The following ASMTL variants were observed in gnomAD, a reference collection of about 807,000 sequenced individuals.
ASMTL encodes acetylserotonin O-methyltransferase like.
In ASMTL, 57 loss-of-function variants were observed where a neutral mutation model predicts 60.3. That is an observed-to-expected ratio of 0.95 (90% CI 0.76 to 1.18). The LOEUF is 1.18. ASMTL is among the 50% of genes most tolerant of loss of function. The pLI, the probability that ASMTL is intolerant of heterozygous loss-of-function variation, is 0.00. For synonymous variants in ASMTL, 419 were observed against 373.0 expected (o/e 1.12, Z -1.42); for missense variants, 981 against 852.6 (o/e 1.15, Z -1.88).
chrX:1,426,001 G>A (rs181116968), intron 7 of ASMTL, among the ~76,000 whole-genome samples: 507 of 152,260 alleles, frequency 3.3e-3, no homozygotes, highest in Non-Finnish European at 5.2e-3. Flanking sequence ...CTCAGGATGT[G>A]ACTGTATTTG....
chrX:1,438,638 G>A (rs1478255842), intron 3 of ASMTL, among the ~76,000 whole-genome samples: 3 of 152,290 alleles, frequency 2.0e-5, no homozygotes, highest in Non-Finnish European at 2.9e-5. Flanking sequence ...TCAGCCTCCC[G>A]AGTAGCTGCG....
intron 11 of ASMTL, among the ~76,000 whole-genome samples, chrX:1,416,415 CAACA>C (rs56651490): frequency 0.16 from 6,629 of 41,236 alleles, 1,750 homozygotes; most frequent in Non-Finnish European, 0.28. Flanking sequence ...ACAGATACAC[CAACA>C]GACAGGCACA....
rs184913206 is a variant in ASMTL, at chrX:1,425,632, G to A, written c.953C>T (p.Pro318Leu). The change falls in exon 8 of 13, where the codon CCC (proline) becomes CTC (leucine). Residue 318 changes from proline to leucine, a missense_variant. By Grantham distance (98) the Pro-to-Leu change is moderately conservative. Transcript: ENST00000381317. ...KVFDLLKDEA[P>L]QKAADIASKV... ...GCTGGCAATATCCGCAGCCTTCTGG[G>A]GTGCTTCATCTTTTAACAAATCGAA... 6.4e-4 allele frequency: 1,038 copies of A among 1,613,774 alleles called. 2 individuals carry two copies. Among genetic ancestry groups the A allele is most frequent in the Middle Eastern group, 3.0e-3 (18 of 6,054 alleles).
chrX:1,404,297 T>C (rs1439335164), intron 12 of ASMTL, among the ~76,000 whole-genome samples: 1 of 150,042 alleles, frequency 6.7e-6, no homozygotes, highest in South Asian at 2.1e-4. Context: ...GATGGGTGAA[T>C]AGATGGTAGA....
At chrX:1,403,758 G>C (rs1417155649) in intron 12 of ASMTL, among the ~76,000 whole-genome samples, 4 of 152,182 alleles carry the variant, frequency 2.6e-5, no homozygotes, top group African/African-American at 9.6e-5. Context: ...TGGATGCATG[G>C]ATGAACAGAT....
rs1603450850 is a variant in ASMTL at position 1,418,781 on chromosome X, C to G, written c.1378+201G>C. ...GCCAAAAGAGAGGGCCCCGGAGTTTCTAGGGGGGCATTTAGGCATCCCCGG... is the reference window on the plus strand; with the variant it reads ...GCCAAAAGAGAGGGCCCCGGAGTTTGTAGGGGGGCATTTAGGCATCCCCGG... On this transcript the variant is annotated intron_variant, in intron 10 of 12. Coordinates refer to ENST00000381317, the MANE Select transcript of ASMTL (RefSeq NM_004192.4). 5 of 208,210 alleles carry G rather than the reference C, an allele frequency of 2.4e-5. No individual in the cohort carries two copies. The Admixed American group carries it at 3.3e-4, about 14-fold the overall frequency. The allele number at this position is 208,210 out of a possible 1,614,324, so 12.9% of individuals were successfully genotyped here.
intron 1 of ASMTL, among the ~76,000 whole-genome samples, chrX:1,447,687 C>T (rs1299060344): frequency 6.6e-6 from 1 of 151,608 alleles, no homozygotes; most frequent in African/African-American, 2.4e-5. Context: ...AGAAGCACCA[C>T]CATCTTGGAC....
intron 9 of ASMTL, 119 bp downstream of exon 9, chrX:1,421,539 G>T: frequency 8.7e-7 from 1 of 1,145,018 alleles, no homozygotes; most frequent in Admixed American, 2.2e-5. Context: ...AACGAGCCAA[G>T]CCTTTGGGAT....
Position 1,412,874 on chromosome X carries a change from A to G in ASMTL, c.1523-20T>C, listed in dbSNP as rs1378638018. ...AGTCACCTGGTTTAAAGACAAAACG[A>G]GATACGTCCGTCAGGTATGGAAGAA... On this transcript the variant is annotated intron_variant, in intron 11 of 12. Transcript: ENST00000381317. 1 of 1,613,610 alleles carries G rather than the reference A, an allele frequency of 6.2e-7. No individual in the cohort carries two copies. The highest frequency in any genetic ancestry group is 8.5e-7 in the Non-Finnish European group (1 of 1,179,742).
At chrX:1,425,763 G>A (rs1172917446) in intron 7 of ASMTL, 76 bp from the exon 8 acceptor site, 17 of 1,487,470 alleles carry the variant, frequency 1.1e-5, no homozygotes, top group Middle Eastern at 4.4e-4. Flanking sequence ...TCAAAAGATG[G>A]AGGCCAACGC....
Position 1,412,846 on chromosome X carries a change from A to G in ASMTL, c.1531T>C (p.Phe511Leu). 1 of 1,613,890 alleles carries G rather than the reference A, an allele frequency of 6.2e-7. No homozygotes were observed. Among genetic ancestry groups the G allele is most frequent in the South Asian group, 1.1e-5 (1 of 91,066 alleles). The change falls in exon 12 of 13, where the codon TTC becomes CTC. Residue 511 changes from phenylalanine (F) to leucine (L), a missense_variant. Transcript: ENST00000381317. ...VQIHFAAGDF[F>L]RDPLPSAELY... is the part of the protein sequence containing the mutation. ...TCAGCGCTGGGGAGGGGGTCCCTGA[A>G]AAAGTCACCTGGTTTAAAGACAAAA...
At position 1,427,778 on chromosome X, in the gene ASMTL, G is replaced by A. The variant is rs1295213303; in HGVS notation, c.853C>T (p.Pro285Ser). Residue 285 changes from proline (P) to serine (S), a missense_variant, in exon 7 of 13, where the codon CCG becomes TCG. Pro to Ser is a moderately conservative substitution (Grantham distance 74). Transcript: ENST00000381317. ...HRTRETLPPF[P>S]TRLLELIEGF... ...TCAATCAGCTCCAGGAGGCGTGTCG[G>A]GAACGGAGGCAGGGTCTCCCGAGTC... 1 of 1,613,030 alleles carries A rather than the reference G, an allele frequency of 6.2e-7. No homozygotes were observed. The highest frequency in any genetic ancestry group is 8.5e-7 in the Non-Finnish European group (1 of 1,179,634).
At chrX:1,411,205 TACAC>T (rs2090005733) in intron 12 of ASMTL, among the ~76,000 whole-genome samples, 3 of 128,466 alleles carry the variant, frequency 2.3e-5, no homozygotes, top group Non-Finnish European at 4.9e-5. Context: ...AGAAGAGAGA[TACAC>T]AGAGAAAGAG....
At chrX:1,429,187 G>A (rs2090702677) in intron 6 of ASMTL, among the ~76,000 whole-genome samples, 4 of 151,262 alleles carry the variant, frequency 2.6e-5, no homozygotes, top group Non-Finnish European at 5.9e-5. Context: ...GAACCACCAC[G>A]TCTGGCCCTC....
At chrX:1,434,869 C>A in intron 5 of ASMTL, 153 bp downstream of exon 5, 1 of 197,752 alleles carries the variant, frequency 5.1e-6, no homozygotes, top group Non-Finnish European at 9.1e-6. Flanking sequence ...ACTTCCAAAT[C>A]GGCGGACAAC....
At chrX:1,440,390 C>A (rs2091081518) in intron 2 of ASMTL, among the ~76,000 whole-genome samples, 1 of 152,008 alleles carries the variant, frequency 6.6e-6, no homozygotes, top group African/African-American at 2.4e-5. Flanking sequence ...GCACCCGGCC[C>A]CGAATGTATT....
intron 12 of ASMTL, 43 bp downstream of exon 12, chrX:1,412,689 C>G: frequency 6.2e-7 from 1 of 1,613,658 alleles, no homozygotes; most frequent in Non-Finnish European, 8.5e-7. Context: ...ACCCAAAATA[C>G]TACGTCTTAA....
chrX:1,421,748 C>G lies in ASMTL; in HGVS notation c.1155G>C (p.Trp385Cys). The G allele has an allele frequency of 1.2e-6, 2 of 1,613,880 alleles. No individual in the cohort carries two copies. Among genetic ancestry groups the G allele is most frequent in the Non-Finnish European group, 1.7e-6 (2 of 1,179,852 alleles). ...GFIMHNNDLT[W>C]NLFTYLEFAI... ...CAAACTCCAGGTATGTAAAGAGGTT[C>G]CATGTGAGGTCATTATTGTGCATGA... is the stretch of plus-strand genomic sequence containing the variant. The change falls in exon 9 of 13, where the codon TGG becomes TGC. Residue 385 changes from tryptophan to cysteine, a missense_variant. Coordinates refer to ENST00000381317, the MANE Select transcript of ASMTL (RefSeq NM_004192.4).
chrX:1,417,721 GACAC>G (rs60780739), intron 11 of ASMTL, among the ~76,000 whole-genome samples: 21 of 149,714 alleles, frequency 1.4e-4, no homozygotes, highest in African/African-American at 2.0e-4. Flanking sequence ...TGCGGATGCA[GACAC>G]ACACACACAC....
Sources: allele counts gnomAD v4.1 joint callset (sites outside exome capture counted in the v4.1 genomes callset), GRCh38; gene constraint gnomAD v4.1.1; transcripts MANE v1.5; gene names NCBI Gene and HGNC (gene_info 2026-07-23, HGNC 2026-07-21).